The following ANKRD44 variants were observed in gnomAD, a reference collection of about 807,000 sequenced individuals.
ANKRD44 encodes serine/threonine-protein phosphatase 6 regulatory ankyrin repeat subunit B.
A neutral mutation model predicts 116.0 loss-of-function variants in ANKRD44; 35 were observed. The ratio of observed to expected loss-of-function variants is 0.30; its 90% CI spans 0.23 to 0.40. ANKRD44 has a LOEUF of 0.40. Among genes scored for constraint, ANKRD44 ranks in the 10% least tolerant of loss-of-function variants. ANKRD44 has a pLI of 1.00. For missense variants in ANKRD44, 1,014 were observed against 1,242.6 expected, an observed-to-expected ratio of 0.82 and a Z score of 2.77; for synonymous variants, 435 against 461.8, an observed-to-expected ratio of 0.94 and a Z score of 0.74.
intron 9 of ANKRD44, among the ~76,000 whole-genome samples, chr2:197,107,747 G>A (rs1383594731): frequency 6.6e-6 from 1 of 152,204 alleles, no homozygotes; most frequent in Non-Finnish European, 1.5e-5. Flanking sequence ...AGGACAGAGG[G>A]GCTCCTGCTA....
chr2:197,236,704 C>T (rs1242167198), intron 1 of ANKRD44, among the ~76,000 whole-genome samples: 3 of 79,794 alleles, frequency 3.8e-5, no homozygotes, highest in African/African-American at 1.8e-4. Flanking sequence ...CTCCCTGCAA[C>T]AAACTACTCA....
intron 4 of ANKRD44, among the ~76,000 whole-genome samples, chr2:197,128,909 T>C (rs1163672749): frequency 6.6e-6 from 1 of 151,706 alleles, no homozygotes; most frequent in Non-Finnish European, 1.5e-5. Context: ...TTTTGTAAAA[T>C]ACAATAAAAA....
At chr2:197,056,037 C>T (rs189587584) in intron 16 of ANKRD44, among the ~76,000 whole-genome samples, 1 of 152,214 alleles carries the variant, frequency 6.6e-6, no homozygotes, top group East Asian at 1.9e-4. Context: ...TACAGATGTG[C>T]CACCATGCCT....
intron 2 of ANKRD44, among the ~76,000 whole-genome samples, chr2:197,154,484 C>T (rs771363294): frequency 1.1e-4 from 17 of 149,448 alleles, no homozygotes; most frequent in Non-Finnish European, 2.2e-4. Flanking sequence ...CGGCCACTAT[C>T]GGCTTTCTTA....
chr2:197,054,365 AG>A (rs1451875442), intron 16 of ANKRD44, among the ~76,000 whole-genome samples: 2 of 142,602 alleles, frequency 1.4e-5, no homozygotes, highest in Non-Finnish European at 3.1e-5. Flanking sequence ...TGAAAGCAGG[AG>A]TTGATAACTC....
Position 197,150,741 on chromosome 2 carries a change from G to A in ANKRD44, c.112-3636C>T, listed in dbSNP as rs78622397. Among the ~76,000 whole-genome samples, 104 of 152,214 alleles carry A rather than the reference G, an allele frequency of 6.8e-4. 1 individual carries two copies. In the East Asian group the frequency reaches 0.011, roughly 16 times the overall value. ...GGAGGGTAAATAGAGAACCAAAGCC[G>A]CAGGCACATGAACTTAGAGTGCAGG... is the stretch of plus-strand genomic sequence containing the variant. On this transcript the variant is annotated intron_variant, in intron 2 of 27. Coordinates refer to ENST00000282272, the MANE Select transcript of ANKRD44 (RefSeq NM_001195144.2).
chr2:197,122,835 G>C (rs80306801), intron 6 of ANKRD44, 43 bp from the exon 7 acceptor site: 1 of 1,589,254 alleles, frequency 6.3e-7, no homozygotes. Flanking sequence ...ACCTTTATAG[G>C]ACAATTTGCT....
intron 3 of ANKRD44, among the ~76,000 whole-genome samples, chr2:197,143,142 G>T: frequency 1.3e-5 from 1 of 75,624 alleles, no homozygotes; most frequent in South Asian, 6.0e-4. Context: ...AGTTTTCTCT[G>T]TAGGATCTTT....
chr2:197,153,938 T>TGAACCC (rs2079731716), intron 2 of ANKRD44, among the ~76,000 whole-genome samples: 1 of 152,042 alleles, frequency 6.6e-6, no homozygotes, highest in African/African-American at 2.4e-5. Flanking sequence ...CTATTAAAAA[T>TGAACCC]GGTGTTGCAG....
chr2:197,193,376 G>A (rs2712897), intron 1 of ANKRD44, among the ~76,000 whole-genome samples: 145,671 of 152,304 alleles, frequency 0.96, 69,695 homozygotes, highest in East Asian at 1. Context: ...GGAAGTGATG[G>A]AATAACAGTA....
exon 22 of ANKRD44, chr2:196,967,184 C>T (rs547263866): frequency 4.6e-6 from 1 of 217,824 alleles, no homozygotes; most frequent in South Asian, 7.1e-5. Flanking sequence ...CCACAGCCAA[C>T]ACCCTTGCCT....
intron 16 of ANKRD44, among the ~76,000 whole-genome samples, chr2:197,038,416 T>C (rs1417860815): frequency 6.6e-6 from 1 of 152,188 alleles, no homozygotes; most frequent in South Asian, 2.1e-4. Flanking sequence ...TGACCTTTCA[T>C]AGAACATAGT....
At chr2:197,044,547 G>A (rs2124973857) in intron 16 of ANKRD44, among the ~76,000 whole-genome samples, 1 of 152,234 alleles carries the variant, frequency 6.6e-6, no homozygotes, top group Non-Finnish European at 1.5e-5. Context: ...CTTTAGTAGA[G>A]ACAGGGTTTC....
intron 16 of ANKRD44, among the ~76,000 whole-genome samples, chr2:197,047,060 A>C (rs6434901): frequency 0.7 from 105,542 of 151,670 alleles, 37,134 homozygotes; most frequent in East Asian, 0.86. Flanking sequence ...CTCTTGTCAC[A>C]CACGCTAGAG....
rs376683987 is a variant in ANKRD44, at chr2:197,025,703, G to A, written c.1651-436C>T. Among the ~76,000 whole-genome samples the A allele has an allele frequency of 1.2e-3, 183 of 152,310 alleles. 3 individuals are homozygous for A. Among genetic ancestry groups the A allele is most frequent in the African/African-American group, 3.6e-3 (151 of 41,576 alleles). On this transcript the variant is annotated intron_variant, in intron 16 of 27. Transcript: ENST00000282272. The stretch of plus-strand genomic sequence containing the variant: ...CTGTGCTGTAATGAGAATAAAATAC[G>A]GGGATGTGATATGGAGTGACTGACA...
intron 2 of ANKRD44, among the ~76,000 whole-genome samples, chr2:197,150,463 G>C (rs1374243336): frequency 6.6e-6 from 1 of 151,968 alleles, no homozygotes; most frequent in Non-Finnish European, 1.5e-5. Context: ...GCAGGAGAAT[G>C]GCATGAACCC....
chr2:197,124,407 CCAAAGA>C (rs1342973100), intron 6 of ANKRD44, among the ~76,000 whole-genome samples: 3 of 152,030 alleles, frequency 2.0e-5, no homozygotes, highest in Non-Finnish European at 2.9e-5. Context: ...TCATAAATCC[CCAAAGA>C]CAATCAATTA....
chr2:197,208,841 T>C (rs2081265797), intron 1 of ANKRD44, among the ~76,000 whole-genome samples: 1 of 152,120 alleles, frequency 6.6e-6, no homozygotes, highest in Non-Finnish European at 1.5e-5. Context: ...AATAGCTTTC[T>C]CTTTAATGCT....
chr2:196,990,340 T>C (rs1559397713), intron 27 of ANKRD44: 1 of 1,002,180 alleles, frequency 1.0e-6, no homozygotes, highest in Non-Finnish European at 1.2e-6. Context: ...GCTAAATACA[T>C]GAAAAGAAAA....
Sources: gnomAD v4.1 joint callset for allele counts (sites outside exome capture counted in the v4.1 genomes callset) on GRCh38, gnomAD v4.1.1 for gene constraint, MANE v1.5 for transcripts, NCBI Gene and HGNC (gene_info 2026-07-23, HGNC 2026-07-21) for gene names.